The following GABRR2 variants were observed in gnomAD, a reference collection of about 807,000 sequenced individuals.
GABRR2 encodes gamma-aminobutyric acid receptor subunit rho-2.
GABRR2 carries 36 observed loss-of-function variants against 47.0 expected under a neutral mutation model. The ratio of observed to expected loss-of-function variants is 0.77; its 90% CI spans 0.59 to 1.01. GABRR2 has a LOEUF of 1.01. Ranked by LOEUF, GABRR2 falls within the 50% of genes least tolerant of loss-of-function variation. GABRR2 has a pLI of 0.00. For synonymous variants in GABRR2, 204 were observed against 227.5 expected, an observed-to-expected ratio of 0.90 and a Z score of 0.93; for missense variants, 587 against 594.6, an observed-to-expected ratio of 0.99 and a Z score of 0.13.
At chr6:89,286,410 G>A (rs1350229487) in intron 2 of GABRR2, among the ~76,000 whole-genome samples, 1 of 152,168 alleles carries the variant, frequency 6.6e-6, no homozygotes. Flanking sequence ...TAGACCTTAA[G>A]CATTCTCATC....
At chr6:89,268,201 C>T (rs1164530396) in intron 4 of GABRR2, 105 bp from the exon 5 acceptor site, 2 of 779,098 alleles carry the variant, frequency 2.6e-6, no homozygotes, top group Admixed American at 2.1e-5. Context: ...TGCCTCCTCA[C>T]ATCTGCTGCA....
chr6:89,299,724 A>ACCTC (rs1309009064), intron 2 of GABRR2, 35 bp downstream of exon 2: 2 of 1,462,458 alleles, frequency 1.4e-6, no homozygotes, highest in African/African-American at 2.8e-5. Flanking sequence ...CCTGGGGCCA[A>ACCTC]CCTCCCACCT....
intron 2 of GABRR2, among the ~76,000 whole-genome samples, chr6:89,282,482 C>A (rs1256283009): frequency 6.6e-6 from 1 of 152,130 alleles, no homozygotes; most frequent in Non-Finnish European, 1.5e-5. Flanking sequence ...CTATGAGAGC[C>A]CAGGGTGATT....
intron 1 of GABRR2, chr6:89,302,041 T>G: frequency 1.5e-6 from 1 of 668,290 alleles, no homozygotes; most frequent in African/African-American, 1.8e-5. Context: ...TTTTCAGGCC[T>G]GACAATTTAA....
At chr6:89,312,309 T>A (rs1228083193) in intron 1 of GABRR2, among the ~76,000 whole-genome samples, 1 of 152,248 alleles carries the variant, frequency 6.6e-6, no homozygotes, top group African/African-American at 2.4e-5. Context: ...TCTGCAGCCA[T>A]TTAGTACACA....
intron 1 of GABRR2, among the ~76,000 whole-genome samples, chr6:89,308,661 C>T (rs565412906): frequency 6.6e-6 from 1 of 152,232 alleles, no homozygotes; most frequent in Admixed American, 6.5e-5. Context: ...CCAGTCATTT[C>T]CCCACCCGCT....
In GABRR2 at chr6:89,256,167, C is replaced by A. The variant is rs1773596791; in HGVS notation, c.*1503G>T. Among the ~76,000 whole-genome samples, 1 of 149,552 alleles carries A rather than the reference C, an allele frequency of 6.7e-6. No homozygotes were observed. The highest frequency in any genetic ancestry group is 2.1e-4 in the South Asian group (1 of 4,660). On this transcript the variant is annotated 3_prime_UTR_variant, in exon 9 of 9. Transcript: ENST00000402938. ...GCCCAGATCTAGGATGCATTCTGCT[C>A]CATTTCTTCTTCTTAAAATCCTGAC...
chr6:89,271,585 C>G (rs1176282840), intron 3 of GABRR2, 70 bp downstream of exon 3: 6 of 1,378,248 alleles, frequency 4.4e-6, no homozygotes, highest in East Asian at 4.9e-5. Context: ...CCCACACAGG[C>G]ACAGCCTGCA....
intron 2 of GABRR2, among the ~76,000 whole-genome samples, chr6:89,290,280 CCTTT>C (rs1262262874): frequency 1.3e-5 from 2 of 152,236 alleles, no homozygotes; most frequent in Non-Finnish European, 2.9e-5. Context: ...ACATGAGCTG[CCTTT>C]CTTCTTTTCC....
intron 2 of GABRR2, among the ~76,000 whole-genome samples, chr6:89,291,867 G>C (rs1161217198): frequency 6.6e-6 from 1 of 152,164 alleles, no homozygotes; most frequent in Non-Finnish European, 1.5e-5. Flanking sequence ...GGCAAGGGCG[G>C]CTCTTCCCCA....
chr6:89,258,883 T>C (rs1773673472), intron 8 of GABRR2, among the ~76,000 whole-genome samples: 1 of 146,686 alleles, frequency 6.8e-6, no homozygotes, highest in South Asian at 2.2e-4. Flanking sequence ...AAATGTATTA[T>C]GCATTGAATG....
intron 2 of GABRR2, among the ~76,000 whole-genome samples, chr6:89,279,794 A>T (rs1370711499): frequency 6.6e-6 from 1 of 151,972 alleles, no homozygotes; most frequent in Non-Finnish European, 1.5e-5. Flanking sequence ...CAGTTTCCTC[A>T]TCTCTAAAAT....
chr6:89,307,814 CTTTTTTT>C (rs1247224346), intron 1 of GABRR2, among the ~76,000 whole-genome samples: 5 of 125,292 alleles, frequency 4.0e-5, no homozygotes, highest in African/African-American at 1.6e-4. Flanking sequence ...ACTTCATTCA[CTTTTTTT>C]TTTTTTTTTT....
chr6:89,309,633 G>A (rs1410034426), intron 1 of GABRR2, among the ~76,000 whole-genome samples: 1 of 152,092 alleles, frequency 6.6e-6, no homozygotes, highest in African/African-American at 2.4e-5. Context: ...TTGAGCAGAA[G>A]GTACAGAGTT....
intron 1 of GABRR2, among the ~76,000 whole-genome samples, chr6:89,310,045 G>C (rs1429187284): frequency 2.6e-5 from 4 of 151,166 alleles, no homozygotes. Flanking sequence ...GGGATTACAG[G>C]CATGAGACAC....
chr6:89,282,880 G>A (rs111917078), intron 2 of GABRR2, among the ~76,000 whole-genome samples: 2 of 152,142 alleles, frequency 1.3e-5, no homozygotes, highest in Non-Finnish European at 1.5e-5. Context: ...CCATTCCCAC[G>A]ATACTGTGCA....
At chr6:89,270,757 C>T (rs1377237640) in intron 3 of GABRR2, among the ~76,000 whole-genome samples, 2 of 152,150 alleles carry the variant, frequency 1.3e-5, no homozygotes, top group African/African-American at 4.8e-5. Context: ...GCCTCCCCGA[C>T]TTTTATTTAT....
chr6:89,309,405 C>A (rs1767638786), intron 1 of GABRR2, among the ~76,000 whole-genome samples: 1 of 151,974 alleles, frequency 6.6e-6, no homozygotes. Context: ...ATGGCTCATT[C>A]CCACCAGTAT....
rs1773599252 is a variant in GABRR2, at chr6:89,256,324, T to C, written c.*1346A>G. 6.6e-6 allele frequency among the ~76,000 whole-genome samples: 1 copy of C among 151,892 alleles called. No homozygotes were observed. The highest frequency in any genetic ancestry group is 2.1e-4 in the South Asian group (1 of 4,802). Reference sequence around the variant, plus strand: ...ACTAAACACTCTTAATCTTATATTATAGATATTTGTGTGGTATTTCCTTTA... The same window carrying C: ...ACTAAACACTCTTAATCTTATATTACAGATATTTGTGTGGTATTTCCTTTA... On this transcript the variant is annotated 3_prime_UTR_variant, in exon 9 of 9. Transcript: ENST00000402938.
Sources: gnomAD v4.1 joint callset for allele counts (sites outside exome capture counted in the v4.1 genomes callset) on GRCh38, gnomAD v4.1.1 for gene constraint, MANE v1.5 for transcripts, NCBI Gene and HGNC (gene_info 2026-07-23, HGNC 2026-07-21) for gene names.